Variants in MARCHF1 observed in about 807,000 individuals in gnomAD.
The protein encoded by MARCHF1 is membrane associated ring-CH-type finger 1.
Under a neutral mutation model 54.2 loss-of-function variants are expected in MARCHF1, and 40 were observed. That is an observed-to-expected ratio of 0.74 (90% CI 0.57 to 0.96). The LOEUF (loss-of-function observed/expected upper bound fraction) is 0.96, where lower values mean the gene tolerates loss of function less well. Among genes scored for constraint, MARCHF1 ranks in the 40% least tolerant of loss-of-function variants. The probability of loss-of-function intolerance (pLI) is 0.00; values close to 1 mark genes in which losing one functional copy is unlikely to be tolerated. For synonymous variants in MARCHF1, 236 were observed against 236.3 expected (o/e 1.00, Z 0.01); for missense variants, 586 against 656.5 (o/e 0.89, Z 1.17).
intron 2 of MARCHF1, among the ~76,000 whole-genome samples, chr4:164,109,026 T>C (rs920947075): frequency 2.6e-5 from 4 of 152,070 alleles, no homozygotes; most frequent in Non-Finnish European, 4.4e-5. Context: ...TAGAAAGAAC[T>C]GTACTAATTC....
intron 5 of MARCHF1, among the ~76,000 whole-genome samples, chr4:163,668,913 C>T (rs1743633176): frequency 6.6e-6 from 1 of 152,078 alleles, no homozygotes; most frequent in Admixed American, 6.5e-5. Flanking sequence ...TGTGGGCCGA[C>T]CTGAGATTCA....
At chr4:164,278,716 T>C (rs1204295910) in intron 1 of MARCHF1, among the ~76,000 whole-genome samples, 2 of 152,188 alleles carry the variant, frequency 1.3e-5, no homozygotes. Flanking sequence ...GGATGTTATA[T>C]TGTGACATAT....
At chr4:164,055,895 ATTC>A (rs1311504841) in intron 2 of MARCHF1, among the ~76,000 whole-genome samples, 3 of 152,152 alleles carry the variant, frequency 2.0e-5, no homozygotes, top group Non-Finnish European at 4.4e-5. Context: ...AGATCAATTT[ATTC>A]TTCTTTAGTC....
intron 2 of MARCHF1, among the ~76,000 whole-genome samples, chr4:163,997,010 C>G (rs1186118066): frequency 6.6e-6 from 1 of 152,014 alleles, no homozygotes; most frequent in Non-Finnish European, 1.5e-5. Flanking sequence ...TCTTAGGAAA[C>G]TAAAACACTT....
chr4:163,662,939 CAG>C lies in MARCHF1; in HGVS notation c.162+37872_162+37873del, dbSNP rs1320776266. 2.0e-5 allele frequency among the ~76,000 whole-genome samples: 3 copies of C among 151,688 alleles called. No individual in the cohort carries two copies. The East Asian group carries it at 5.8e-4, about 29-fold the overall frequency. ...CACTACAGTAACCTCACCCCTTCTT[CAG>C]AGAGATTGTGTTTGTTTGCCACGGG... On this transcript the variant is annotated intron_variant, in intron 5 of 9. Transcript: ENST00000514618.
At chr4:163,649,302 C>T (rs1469344969) in intron 5 of MARCHF1, among the ~76,000 whole-genome samples, 1 of 151,990 alleles carries the variant, frequency 6.6e-6, no homozygotes, top group Non-Finnish European at 1.5e-5. Context: ...TGGAATCTAG[C>T]TACTCTAAGT....
intron 9 of MARCHF1, among the ~76,000 whole-genome samples, chr4:163,538,623 GAGT>G (rs1738616992): frequency 6.6e-6 from 1 of 152,174 alleles, no homozygotes; most frequent in South Asian, 2.1e-4. Context: ...GGCTTCTCAA[GAGT>G]AGTTTTCCTG....
chr4:163,673,794 A>G (rs985771201), intron 5 of MARCHF1, among the ~76,000 whole-genome samples: 2 of 152,240 alleles, frequency 1.3e-5, no homozygotes, highest in Non-Finnish European at 1.5e-5. Flanking sequence ...GAATACAAAC[A>G]GTATTGTTTC....
intron 1 of MARCHF1, among the ~76,000 whole-genome samples, chr4:164,160,187 G>C (rs1730193766): frequency 6.6e-6 from 1 of 152,064 alleles, no homozygotes; most frequent in South Asian, 2.1e-4. Flanking sequence ...TAACGATGGG[G>C]ATATGTTCTG....
At chr4:163,689,229 T>A (rs1251405431) in intron 5 of MARCHF1, among the ~76,000 whole-genome samples, 1 of 152,182 alleles carries the variant, frequency 6.6e-6, no homozygotes, top group Non-Finnish European at 1.5e-5. Flanking sequence ...AAGAAAAATA[T>A]TACCTTAATT....
At chr4:163,810,430 TA>T (rs778062456) in intron 4 of MARCHF1, among the ~76,000 whole-genome samples, 2 of 152,188 alleles carry the variant, frequency 1.3e-5, no homozygotes, top group Non-Finnish European at 2.9e-5. Context: ...AACTTCTATC[TA>T]AAAATAATCA....
At chr4:163,885,481 T>G (rs59184338) in intron 3 of MARCHF1, among the ~76,000 whole-genome samples, 29,218 of 151,934 alleles carry the variant, frequency 0.19, 3,182 homozygotes, top group South Asian at 0.32. Context: ...AGGTACAAAA[T>G]AGTGATCATA....
At chr4:163,730,023 T>C (rs1175418200) in intron 4 of MARCHF1, among the ~76,000 whole-genome samples, 1 of 152,168 alleles carries the variant, frequency 6.6e-6, no homozygotes, top group Non-Finnish European at 1.5e-5. Context: ...GCTCTTTTTG[T>C]GTGTAGGTCC....
chr4:164,116,220 A>G (rs1755936697), intron 1 of MARCHF1, among the ~76,000 whole-genome samples: 1 of 152,286 alleles, frequency 6.6e-6, no homozygotes, highest in Non-Finnish European at 1.5e-5. Context: ...ATATCATCAT[A>G]ATAAATATAT....
rs561836576 is a variant in MARCHF1, at chr4:163,826,872, A to G, written c.111+27149T>C. On this transcript the variant is annotated intron_variant, in intron 4 of 9. Transcript: ENST00000514618. ...CCCAGCAGAGATAAAAATTTGGTAA[A>G]ATAAGGCACAACAGAGAAATAATAT... Among the ~76,000 whole-genome samples the G allele has an allele frequency of 2.0e-5, 3 of 152,200 alleles. No individual in the cohort carries two copies. In the South Asian group the frequency reaches 6.2e-4, roughly 32 times the overall value.
intron 3 of MARCHF1, among the ~76,000 whole-genome samples, chr4:163,859,557 C>T (rs910321803): frequency 5.9e-5 from 9 of 151,996 alleles, no homozygotes; most frequent in Admixed American, 5.2e-4. Context: ...GACAGGATCT[C>T]GCCATGTTGG....
At chr4:163,717,010 T>C (rs1028132499) in intron 4 of MARCHF1, among the ~76,000 whole-genome samples, 3 of 152,190 alleles carry the variant, frequency 2.0e-5, no homozygotes, top group Non-Finnish European at 4.4e-5. Context: ...TTTATTTTTA[T>C]TATACTTTAA....
intron 1 of MARCHF1, among the ~76,000 whole-genome samples, chr4:164,223,767 G>T (rs1370118942): frequency 2.6e-5 from 4 of 151,412 alleles, no homozygotes; most frequent in African/African-American, 9.7e-5. Flanking sequence ...TACTAATGCT[G>T]CTCTTTAAAA....
intron 4 of MARCHF1, among the ~76,000 whole-genome samples, chr4:163,751,264 C>G (rs1010109425): frequency 6.6e-6 from 1 of 151,924 alleles, no homozygotes; most frequent in Non-Finnish European, 1.5e-5. Context: ...AACTCCTGGC[C>G]TCAAGCAAAT....
Sources: allele counts gnomAD v4.1 joint callset (sites outside exome capture counted in the v4.1 genomes callset), GRCh38; gene constraint gnomAD v4.1.1; transcripts MANE v1.5; gene names NCBI Gene and HGNC (gene_info 2026-07-23, HGNC 2026-07-21).